The following REDIC1 variants were observed in gnomAD, a reference collection of about 807,000 sequenced individuals.
REDIC1 encodes HEI10 Interacting Protein 1.
the REDIC1 span, chr12:39,650,101 A>G: frequency 1.1e-6 from 1 of 943,530 alleles, no homozygotes; most frequent in Non-Finnish European, 1.4e-6. The surrounding 1 kb of genome is among the most constrained non-coding windows in gnomAD (Gnocchi z 4.3). Context: ...TAAGTAGTAA[A>G]ATTACTTTAT....
chr12:39,634,351 A>T, the REDIC1 span, among the ~76,000 whole-genome samples: 1 of 152,056 alleles, frequency 6.6e-6, no homozygotes, highest in Non-Finnish European at 1.5e-5. Flanking sequence ...TTGGGTTTTC[A>T]GCTGGAGGCA....
the REDIC1 span, among the ~76,000 whole-genome samples, chr12:39,679,119 C>G: frequency 1.4e-4 from 21 of 152,084 alleles, no homozygotes; most frequent in Admixed American, 9.2e-4. Context: ...CAAGAGTTCA[C>G]CACTTCTATT....
chr12:39,779,641 G>T, the REDIC1 span, among the ~76,000 whole-genome samples: 1 of 152,150 alleles, frequency 6.6e-6, no homozygotes, highest in African/African-American at 2.4e-5. Context: ...TCACTACATT[G>T]TAAGCCTCAG....
At chr12:39,692,169 G>T in the REDIC1 span, 3 of 1,357,134 alleles carry the variant, frequency 2.2e-6, no homozygotes, top group East Asian at 2.8e-5. Context: ...CAATTAAATA[G>T]AAATCAGTTA....
At chr12:39,881,955 T>A in the REDIC1 span, among the ~76,000 whole-genome samples, 1 of 152,060 alleles carries the variant, frequency 6.6e-6, no homozygotes, top group African/African-American at 2.4e-5. Flanking sequence ...CCACACAACA[T>A]CTGAGTCTCT....
At chr12:39,696,718 C>G in the REDIC1 span, among the ~76,000 whole-genome samples, 2 of 151,672 alleles carry the variant, frequency 1.3e-5, no homozygotes, top group African/African-American at 4.8e-5. Context: ...ACAAATTTAA[C>G]AAAGAGATTG....
At chr12:39,863,930 C>G in the REDIC1 span, among the ~76,000 whole-genome samples, 2 of 152,142 alleles carry the variant, frequency 1.3e-5, no homozygotes, top group African/African-American at 4.8e-5. Flanking sequence ...ATCATTTACT[C>G]ATTGATTTGA....
chr12:39,829,423 T>TTTTTTTTTTA, the REDIC1 span: 1 of 129,160 alleles, frequency 7.7e-6, no homozygotes, highest in Non-Finnish European at 1.6e-5. Flanking sequence ...TTTCTTTTTT[T>TTTTTTTTTTA]TGAGGCAGAG....
the REDIC1 span, among the ~76,000 whole-genome samples, chr12:39,900,769 T>G: frequency 2.0e-5 from 3 of 152,134 alleles, no homozygotes; most frequent in Admixed American, 6.5e-5. Context: ...CTGCCCAAGG[T>G]AATTTATAGA....
At chr12:39,748,977 A>C in the REDIC1 span, among the ~76,000 whole-genome samples, 5 of 152,166 alleles carry the variant, frequency 3.3e-5, no homozygotes, top group Non-Finnish European at 4.4e-5. Flanking sequence ...GGAAAGATCT[A>C]AAATTGACAC....
At chr12:39,712,113 C>A in the REDIC1 span, among the ~76,000 whole-genome samples, 12 of 134,530 alleles carry the variant, frequency 8.9e-5, no homozygotes, top group Non-Finnish European at 1.3e-4. Flanking sequence ...TGTATATATA[C>A]CTGTATATAT....
At chr12:39,635,469 A>G in the REDIC1 span, among the ~76,000 whole-genome samples, 1 of 152,190 alleles carries the variant, frequency 6.6e-6, no homozygotes, top group Non-Finnish European at 1.5e-5. Context: ...AGCCATAGAA[A>G]AGGATGAATT....
chr12:39,862,051 C>T, the REDIC1 span, among the ~76,000 whole-genome samples: 5 of 152,156 alleles, frequency 3.3e-5, no homozygotes, highest in African/African-American at 9.7e-5. Context: ...CCCTAACAGG[C>T]GCCAGTGTGT....
At chr12:39,703,809 G>T in the REDIC1 span, among the ~76,000 whole-genome samples, 1 of 151,920 alleles carries the variant, frequency 6.6e-6, no homozygotes, top group Non-Finnish European at 1.5e-5. Context: ...TGACAAGCCT[G>T]ACAAAAGCAA....
At chr12:39,626,910 A>G in the REDIC1 span, among the ~76,000 whole-genome samples, 1 of 152,222 alleles carries the variant, frequency 6.6e-6, no homozygotes, top group African/African-American at 2.4e-5. Context: ...TTTATTTTGT[A>G]TTTAGGATTG....
the REDIC1 span, among the ~76,000 whole-genome samples, chr12:39,811,987 T>C: frequency 6.6e-6 from 1 of 152,222 alleles, no homozygotes; most frequent in African/African-American, 2.4e-5. Flanking sequence ...GTTTCTTTTA[T>C]GGTTATCTCA....
the REDIC1 span, among the ~76,000 whole-genome samples, chr12:39,854,193 C>T: frequency 6.6e-6 from 1 of 151,806 alleles, no homozygotes; most frequent in East Asian, 1.9e-4. Context: ...TCACTTTAGG[C>T]AAATGATATA....
At chr12:39,747,535 A>G in the REDIC1 span, among the ~76,000 whole-genome samples, 3 of 152,256 alleles carry the variant, frequency 2.0e-5, no homozygotes, top group African/African-American at 4.8e-5. Flanking sequence ...TCCTCAACCT[A>G]GCAAGGCAGG....
chr12:39,844,856 C>A, the REDIC1 span, among the ~76,000 whole-genome samples: 1 of 151,860 alleles, frequency 6.6e-6, no homozygotes, highest in Non-Finnish European at 1.5e-5. Flanking sequence ...TTAATTTTTG[C>A]TTGAAATATT....
Sources: gnomAD v4.1 joint callset for allele counts (sites outside exome capture counted in the v4.1 genomes callset) on GRCh38, gnomAD v4.1.1 for gene constraint, Gnocchi (gnomAD v3.1) non-coding constraint, MANE v1.5 for transcripts, NCBI Gene and HGNC (gene_info 2026-07-23, HGNC 2026-07-21) for gene names.